Variants in HOMER2 observed in about 807,000 individuals in gnomAD.
The protein encoded by HOMER2 is homer scaffold protein 2, also known as homer protein homolog 2.
A neutral mutation model predicts 47.0 loss-of-function variants in HOMER2; 27 were observed. The ratio of observed to expected loss-of-function variants is 0.57; its 90% confidence interval spans 0.42 to 0.79. The LOEUF is 0.79. Ranked by LOEUF, HOMER2 falls within the 30% of genes least tolerant of loss-of-function variation. The pLI is 0.00. For missense variants in HOMER2, 443 were observed against 435.0 expected, an observed-to-expected ratio of 1.02 and a Z score of -0.16; for synonymous variants, 161 against 163.8, an observed-to-expected ratio of 0.98 and a Z score of 0.13.
chr15:82,981,160 T>G (rs1238062574), intron 1 of HOMER2, among the ~76,000 whole-genome samples: 1 of 152,236 alleles, frequency 6.6e-6, no homozygotes, highest in Non-Finnish European at 1.5e-5. Context: ...AACTGCAAGC[T>G]GCCCAATATC....
At chr15:82,975,529 T>TA (rs1555433380) in intron 1 of HOMER2, among the ~76,000 whole-genome samples, 1 of 152,038 alleles carries the variant, frequency 6.6e-6, no homozygotes, top group Non-Finnish European at 1.5e-5. Flanking sequence ...TATTCAGCCG[T>TA]AAAAAAAGAA....
downstream of HOMER2, among the ~76,000 whole-genome samples, chr15:82,848,766 C>A (rs2051293850): frequency 6.6e-6 from 1 of 152,224 alleles, no homozygotes; most frequent in Non-Finnish European, 1.5e-5. Flanking sequence ...GCCCCAGGGG[C>A]AGAGCATCAC....
intron 1 of HOMER2, among the ~76,000 whole-genome samples, chr15:82,900,979 T>C (rs376263206): frequency 6.6e-6 from 1 of 152,238 alleles, no homozygotes; most frequent in East Asian, 1.9e-4. Context: ...ATGAGGCAAG[T>C]GCCGCTGATG....
intron 1 of HOMER2, among the ~76,000 whole-genome samples, chr15:82,930,775 A>G (rs930499929): frequency 1.3e-5 from 2 of 152,128 alleles, no homozygotes; most frequent in East Asian, 1.9e-4. Context: ...CCTGTAATCC[A>G]AGAACTTTGG....
intron 1 of HOMER2, among the ~76,000 whole-genome samples, chr15:82,967,874 C>T (rs118044722): frequency 0.011 from 1,641 of 150,556 alleles, 9 homozygotes; most frequent in Non-Finnish European, 0.017. Flanking sequence ...AAGACTCTGT[C>T]TCAGGAAAAA....
At chr15:82,896,759 G>A (rs17158172) in intron 1 of HOMER2, among the ~76,000 whole-genome samples, 6,871 of 152,308 alleles carry the variant, frequency 0.045, 501 homozygotes, top group African/African-American at 0.15. Flanking sequence ...GAAACTACCC[G>A]CCGCTCTGGG....
intron 2 of HOMER2, among the ~76,000 whole-genome samples, chr15:82,891,086 G>C (rs1369828908): frequency 6.6e-6 from 1 of 152,138 alleles, no homozygotes; most frequent in African/African-American, 2.4e-5. Context: ...CATCCTGCTT[G>C]CTTAGGCAGA....
rs2052306055 is a variant in HOMER2, at chr15:82,875,150, A to C, written c.294+123T>G. 5 of 1,134,228 alleles carry C rather than the reference A, an allele frequency of 4.4e-6. No individual in the cohort carries two copies. The South Asian group carries it at 6.1e-5, about 14-fold the overall frequency. 70.3% of individuals were successfully genotyped at this position (1,134,228 alleles called of 1,614,324 possible). A position where few individuals can be genotyped will look rare whatever the true frequency, so the allele number is the denominator to read the frequency against. On this transcript the variant is annotated intron_variant, in intron 3 of 8. Transcript: ENST00000450735. ...GCTTTGGCAGCCCCGTGATGCCAGG[A>C]GGAGTGAAACCAAAGACCAGAAAGG...
chr15:82,915,608 AG>A (rs2151160301), intron 1 of HOMER2, among the ~76,000 whole-genome samples: 1 of 152,294 alleles, frequency 6.6e-6, no homozygotes, highest in African/African-American at 2.4e-5. Context: ...AGCTGCTGGG[AG>A]GCTAACGTGG....
chr15:82,928,635 G>C (rs1026260834), intron 1 of HOMER2, among the ~76,000 whole-genome samples: 1 of 152,094 alleles, frequency 6.6e-6, no homozygotes. Context: ...CACTAGGTTA[G>C]TTTAGCCTTT....
At chr15:82,868,892 T>TAGG (rs1430299177) in intron 3 of HOMER2, among the ~76,000 whole-genome samples, 1 of 151,716 alleles carries the variant, frequency 6.6e-6, no homozygotes, top group Non-Finnish European at 1.5e-5. Context: ...CCCATTGAGG[T>TAGG]AGGAGGCAGG....
intron 3 of HOMER2, among the ~76,000 whole-genome samples, chr15:82,866,992 G>A (rs964489130): frequency 2.0e-5 from 3 of 152,158 alleles, no homozygotes; most frequent in Non-Finnish European, 4.4e-5. Flanking sequence ...GAACAAACAG[G>A]TGAGAAATGG....
chr15:82,936,897 G>T (rs1201909901), intron 1 of HOMER2, among the ~76,000 whole-genome samples: 1 of 152,142 alleles, frequency 6.6e-6, no homozygotes, highest in Non-Finnish European at 1.5e-5. Context: ...GAAGGCAAGG[G>T]TGGGGGAGTC....
At chr15:82,869,963 C>CAA (rs1456575114) in intron 3 of HOMER2, among the ~76,000 whole-genome samples, 1 of 152,114 alleles carries the variant, frequency 6.6e-6, no homozygotes, top group Non-Finnish European at 1.5e-5. Flanking sequence ...AAAGGATATT[C>CAA]AAATTGCAAA....
intron 2 of HOMER2, among the ~76,000 whole-genome samples, chr15:82,876,096 ACAGT>A (rs1308645459): frequency 2.0e-5 from 3 of 152,162 alleles, no homozygotes; most frequent in Non-Finnish European, 4.4e-5. Flanking sequence ...GTTGGGGGAC[ACAGT>A]CAGCACATGG....
chr15:82,980,353 T>G (rs1177853386), intron 1 of HOMER2, among the ~76,000 whole-genome samples: 1 of 152,106 alleles, frequency 6.6e-6, no homozygotes, highest in African/African-American at 2.4e-5. Context: ...ACCATCCCTA[T>G]AGTTCAGAGC....
At chr15:82,905,400 A>G (rs2151134603) in intron 1 of HOMER2, among the ~76,000 whole-genome samples, 1 of 152,174 alleles carries the variant, frequency 6.6e-6, no homozygotes, top group East Asian at 1.9e-4. Context: ...CAGAAGCAAC[A>G]TTTGAAGCAA....
chr15:82,861,621 C>G (rs2051793307), intron 4 of HOMER2, among the ~76,000 whole-genome samples: 2 of 152,148 alleles, frequency 1.3e-5, no homozygotes, highest in South Asian at 4.1e-4. Context: ...AATTAGGCTG[C>G]TTAAAAATCC....
exon 2 of HOMER2, chr15:82,841,253 T>C (rs2051173028): frequency 6.6e-6 from 1 of 152,182 alleles, no homozygotes; most frequent in African/African-American, 2.4e-5. Context: ...TAGTATACTA[T>C]GACTACATCA....
Sources: gnomAD v4.1 joint callset for allele counts (sites outside exome capture counted in the v4.1 genomes callset) on GRCh38, gnomAD v4.1.1 for gene constraint, MANE v1.5 for transcripts, NCBI Gene and HGNC (gene_info 2026-07-23, HGNC 2026-07-21) for gene names.